Variants in EAPP observed in about 807,000 individuals in gnomAD.
The protein encoded by EAPP is E2F-associated phosphoprotein.
A neutral mutation model predicts 34.3 loss-of-function variants in EAPP; 38 were observed. The ratio of observed to expected loss-of-function variants is 1.11; its 90% CI spans 0.85 to 1.45. EAPP has a LOEUF of 1.45. Among genes scored for constraint, EAPP ranks in the 40% most tolerant of loss-of-function variants. The pLI is 0.00. For missense variants in EAPP, 338 were observed against 343.7 expected (o/e 0.98, Z 0.13); for synonymous variants, 113 against 117.6 (o/e 0.96, Z 0.25).
intron 3 of EAPP, among the ~76,000 whole-genome samples, chr14:34,533,073 C>T (rs12147164): frequency 0.78 from 118,632 of 151,722 alleles, 47,139 homozygotes; most frequent in Non-Finnish European, 0.85. Flanking sequence ...CTCACTCTGT[C>T]GCCCAGGCTG....
chr14:34,536,276 C>G lies in EAPP; in HGVS notation c.75-1G>C. Reference sequence around the variant, plus strand: ...AAGCACATCCACTTCATCCTCAGAGCTAGCATACATTTAAATCAAAAAGAA... The same window carrying G: ...AAGCACATCCACTTCATCCTCAGAGGTAGCATACATTTAAATCAAAAAGAA... On this transcript the variant is annotated splice_acceptor_variant, in intron 1 of 5. Transcript: ENST00000250454. LOFTEE classifies it high-confidence loss of function. The G allele has an allele frequency of 6.3e-7, 1 of 1,584,386 alleles. No individual in the cohort carries two copies. Among genetic ancestry groups the G allele is most frequent in the African/African-American group, 1.4e-5 (1 of 73,372 alleles).
intron 3 of EAPP, among the ~76,000 whole-genome samples, chr14:34,529,779 A>G (rs1413817590): frequency 6.6e-6 from 1 of 151,598 alleles, no homozygotes; most frequent in Non-Finnish European, 1.5e-5. Flanking sequence ...ACTTTGGGAG[A>G]CCAAGGTGGG....
intron 5 of EAPP, among the ~76,000 whole-genome samples, chr14:34,521,711 TG>T (rs1393006808): frequency 2.0e-5 from 3 of 150,490 alleles, no homozygotes; most frequent in African/African-American, 7.3e-5. Context: ...CTCGGCTCAC[TG>T]CAACCTCTGC....
At chr14:34,530,222 A>C (rs1272694146) in intron 3 of EAPP, among the ~76,000 whole-genome samples, 2 of 151,710 alleles carry the variant, frequency 1.3e-5, no homozygotes, top group Non-Finnish European at 2.9e-5. Flanking sequence ...GTTAAAAAAA[A>C]CCCTTCATCT....
intron 2 of EAPP, among the ~76,000 whole-genome samples, chr14:34,534,840 AT>A (rs373663033): frequency 0.74 from 104,677 of 141,004 alleles, 39,157 homozygotes; most frequent in East Asian, 0.82. Flanking sequence ...GTCTCCACAA[AT>A]TTTTTTTTTT....
intron 1 of EAPP, 188 bp from the exon 2 acceptor site, chr14:34,536,463 T>TC: frequency 3.3e-6 from 1 of 301,918 alleles, no homozygotes. Context: ...CTTTAATTTT[T>TC]TTTTTTTTTT....
intron 4 of EAPP, among the ~76,000 whole-genome samples, chr14:34,526,705 T>C (rs771962137): frequency 4.0e-5 from 6 of 150,636 alleles, no homozygotes; most frequent in Admixed American, 1.3e-4. Context: ...CTGGGCAACA[T>C]AGCAAGACCT....
intron 5 of EAPP, among the ~76,000 whole-genome samples, chr14:34,517,975 A>C (rs1879792930): frequency 6.6e-6 from 1 of 151,894 alleles, no homozygotes; most frequent in Non-Finnish European, 1.5e-5. Context: ...GGGTTTCACC[A>C]GGTTGGTCAG....
At chr14:34,521,451 T>C (rs1451071101) in intron 5 of EAPP, among the ~76,000 whole-genome samples, 3 of 152,078 alleles carry the variant, frequency 2.0e-5, no homozygotes, top group Non-Finnish European at 4.4e-5. Flanking sequence ...TTAGATTTAA[T>C]CTTTTGAGAT....
At chr14:34,532,978 C>T in intron 3 of EAPP, among the ~76,000 whole-genome samples, 1 of 148,214 alleles carries the variant, frequency 6.7e-6, no homozygotes, top group East Asian at 2.0e-4. Context: ...TGCCCAGCCC[C>T]CAGTTTTTCT....
intron 2 of EAPP, among the ~76,000 whole-genome samples, chr14:34,535,622 C>G (rs1292078519): frequency 6.6e-6 from 1 of 151,164 alleles, no homozygotes; most frequent in Non-Finnish European, 1.5e-5. Context: ...TTAGTAGACA[C>G]AGGGTTTCAC....
intron 1 of EAPP, among the ~76,000 whole-genome samples, chr14:34,537,352 CA>C (rs1162863775): frequency 6.6e-6 from 1 of 152,144 alleles, no homozygotes; most frequent in East Asian, 1.9e-4. Context: ...ACGAAAACTT[CA>C]AAATAAAATG....
chr14:34,534,631 G>A (rs1480075220), intron 2 of EAPP, among the ~76,000 whole-genome samples: 1 of 150,776 alleles, frequency 6.6e-6, no homozygotes, highest in Admixed American at 6.6e-5. Context: ...TTTTTAACTC[G>A]AGTAAAAACT....
At chr14:34,529,882 A>G (rs1466864736) in intron 3 of EAPP, among the ~76,000 whole-genome samples, 1 of 152,046 alleles carries the variant, frequency 6.6e-6, no homozygotes, top group Non-Finnish European at 1.5e-5. Context: ...TGGGCATGGT[A>G]GTAGGCACCT....
In EAPP at chr14:34,536,275, G is replaced by A. The variant is rs754847724; in HGVS notation, c.75C>T (p.Ser25=). ...AAAGCACATCCACTTCATCCTCAGA[G>A]CTAGCATACATTTAAATCAAAAAGA... ...EPSDEEPALS[S]SEDEVDVLLH... The change falls in exon 2 of 6, where the codon AGC becomes AGT. Residue 25 remains serine (S), a splice_region_variant and synonymous_variant. Coordinates refer to ENST00000250454, the MANE Select transcript of EAPP (RefSeq NM_018453.4). 1.3e-6 allele frequency: 2 copies of A among 1,583,788 alleles called. No homozygotes were observed. Among genetic ancestry groups the A allele is most frequent in the South Asian group, 2.4e-5 (2 of 84,300 alleles).
intron 2 of EAPP, 30 bp downstream of exon 2, chr14:34,536,064 A>T: frequency 6.4e-7 from 1 of 1,567,714 alleles, no homozygotes; most frequent in Non-Finnish European, 8.7e-7. Flanking sequence ...AGCTTACAAA[A>T]ATATATATAA....
intron 5 of EAPP, among the ~76,000 whole-genome samples, chr14:34,518,113 T>G (rs993786703): frequency 6.6e-6 from 1 of 151,928 alleles, no homozygotes; most frequent in African/African-American, 2.4e-5. Flanking sequence ...TGTCCTTGCT[T>G]TTCTAGTTCC....
chr14:34,535,873 G>A (rs12882703), intron 2 of EAPP: 180,141 of 430,752 alleles, frequency 0.42, 41,117 homozygotes, highest in East Asian at 0.7. Context: ...CTCCAGCCTG[G>A]GTAACAGAAT....
intron 5 of EAPP, among the ~76,000 whole-genome samples, chr14:34,518,017 C>A (rs558161210): frequency 2.6e-5 from 4 of 151,764 alleles, no homozygotes; most frequent in African/African-American, 9.7e-5. Context: ...TCGTGATCTG[C>A]CTGCTTTAGC....
Sources: gnomAD v4.1 joint callset for allele counts (sites outside exome capture counted in the v4.1 genomes callset) on GRCh38, gnomAD v4.1.1 for gene constraint, MANE v1.5 for transcripts, NCBI Gene and HGNC (gene_info 2026-07-23, HGNC 2026-07-21) for gene names.